The following RHBDD1 variants were observed in gnomAD, a reference collection of about 807,000 sequenced individuals.
RHBDD1 encodes the protein rhomboid-related protein 4.
A neutral mutation model predicts 36.3 loss-of-function variants in RHBDD1; 38 were observed. That is an observed-to-expected ratio of 1.05 (90% CI 0.81 to 1.37). The LOEUF is 1.37. Ranked by LOEUF, RHBDD1 falls within the 40% of genes most tolerant of loss-of-function variation. The pLI, the probability that RHBDD1 is intolerant of heterozygous loss-of-function variation, is 0.00. For missense variants in RHBDD1, 393 were observed against 377.6 expected, an observed-to-expected ratio of 1.04 and a Z score of -0.34; for synonymous variants, 151 against 136.5, an observed-to-expected ratio of 1.11 and a Z score of -0.74.
At chr2:226,893,408 G>A (rs1039133073) in intron 5 of RHBDD1, among the ~76,000 whole-genome samples, 4 of 152,084 alleles carry the variant, frequency 2.6e-5, no homozygotes, top group Admixed American at 6.5e-5. Flanking sequence ...GTGCCAAGTC[G>A]CATTTATTCT....
At chr2:226,880,143 G>A (rs1047940327) in intron 5 of RHBDD1, among the ~76,000 whole-genome samples, 3 of 152,112 alleles carry the variant, frequency 2.0e-5, no homozygotes, top group Non-Finnish European at 2.9e-5. Flanking sequence ...TACTTGGACT[G>A]TTGCATTTTT....
intron 3 of RHBDD1, among the ~76,000 whole-genome samples, chr2:226,852,742 A>T (rs1220569953): frequency 6.6e-6 from 1 of 152,002 alleles, no homozygotes. Flanking sequence ...TGTCTCTTTT[A>T]GTAAGATCTT....
At chr2:226,988,670 C>T (rs1334161155) in intron 8 of RHBDD1, 6 of 984,030 alleles carry the variant, frequency 6.1e-6, no homozygotes, top group Non-Finnish European at 7.2e-6. Flanking sequence ...TTTAATATTC[C>T]GAAGGGTTTT....
upstream of RHBDD1, chr2:226,835,593 G>A (rs1331583844): frequency 2.0e-5 from 3 of 152,234 alleles, no homozygotes; most frequent in Middle Eastern, 3.2e-3. Flanking sequence ...CAGCTCCCCA[G>A]CCTCCGGCTG....
intron 6 of RHBDD1, chr2:226,908,496 CAG>C: frequency 3.6e-6 from 1 of 279,108 alleles, no homozygotes; most frequent in Non-Finnish European, 6.9e-6. Context: ...TCTGCTTGTA[CAG>C]AGACATCAAA....
chr2:226,961,890 G>C (rs1952230204), intron 8 of RHBDD1, among the ~76,000 whole-genome samples: 1 of 152,148 alleles, frequency 6.6e-6, no homozygotes, highest in South Asian at 2.1e-4. Flanking sequence ...TTTTAGGTGA[G>C]GAAATGAAGG....
Position 226,995,499 on chromosome 2 carries a change from C to A in RHBDD1, c.925C>A (p.Leu309Ile). 6.2e-7 allele frequency: 1 copy of A among 1,612,292 alleles called. No homozygotes were observed. The highest frequency in any genetic ancestry group is 8.5e-7 in the Non-Finnish European group (1 of 1,179,000). Residue 309 changes from leucine to isoleucine, a missense_variant, in exon 9 of 9, where the codon CTT (leucine) becomes ATT (isoleucine). Physicochemically the swap from Leu to Ile is conservative, Grantham distance 5. Coordinates refer to ENST00000392062, the MANE Select transcript of RHBDD1 (RefSeq NM_001167608.3). ...ACCAGAAGAAATGAGGAGACAGCGGCTTCACAGATTCGATAGCCAGTGAGG... is the reference window on the plus strand; with the variant it reads ...ACCAGAAGAAATGAGGAGACAGCGGATTCACAGATTCGATAGCCAGTGAGG... ...LSPEEMRRQR[L>I]HRFDSQ is the part of the protein sequence containing the mutation.
chr2:226,930,001 A>G (rs1425316481), intron 8 of RHBDD1, among the ~76,000 whole-genome samples: 2 of 152,074 alleles, frequency 1.3e-5, no homozygotes, highest in Non-Finnish European at 2.9e-5. Flanking sequence ...TACTCAAATA[A>G]ATCATAGATG....
At chr2:226,826,209 A>G in the RHBDD1 span, among the ~76,000 whole-genome samples, 3 of 152,222 alleles carry the variant, frequency 2.0e-5, no homozygotes, top group Admixed American at 6.5e-5. Flanking sequence ...AGAATGATCT[A>G]TTTATGTGAG....
rs575538601 is a variant in RHBDD1, at chr2:226,942,964, C to T, written c.856+28613C>T. 2.1e-4 allele frequency among the ~76,000 whole-genome samples: 32 copies of T among 152,262 alleles called. No individual in the cohort carries two copies. The East Asian group carries it at 4.8e-3, about 23-fold the overall frequency. ...TCACATGAGAATTTCCGCTGTTGTC[C>T]GCTCTGCCTCTCTTAAACAATCTTA... On this transcript the variant is annotated intron_variant, in intron 8 of 8. Coordinates refer to ENST00000392062, the MANE Select transcript of RHBDD1 (RefSeq NM_001167608.3).
intron 1 of RHBDD1, chr2:226,837,660 C>G (rs1941124909): frequency 6.6e-6 from 1 of 152,204 alleles, no homozygotes; most frequent in Non-Finnish European, 1.5e-5. Flanking sequence ...CCTCAGCTTC[C>G]CAGGTAGCTG....
At position 226,926,167 on chromosome 2, in the gene RHBDD1, C is replaced by T. The variant is rs1038274667; in HGVS notation, c.856+11816C>T. On this transcript the variant is annotated intron_variant, in intron 8 of 8. Transcript: ENST00000392062. ...GGCCGAGGCGGGTGGATCATGATGTCAGGAGATCGAGACCATCCTGGCTAA... is the reference window on the plus strand; with the variant it reads ...GGCCGAGGCGGGTGGATCATGATGTTAGGAGATCGAGACCATCCTGGCTAA... Among the ~76,000 whole-genome samples, 11 of 150,886 alleles carry T rather than the reference C, an allele frequency of 7.3e-5. No individual in the cohort carries two copies. In the East Asian group the frequency reaches 2.1e-3, roughly 29 times the overall value.
chr2:226,931,595 T>A (rs1351385668), intron 8 of RHBDD1, among the ~76,000 whole-genome samples: 1 of 152,068 alleles, frequency 6.6e-6, no homozygotes, highest in Non-Finnish European at 1.5e-5. Context: ...TTCACCACTA[T>A]ACAATTCATC....
intron 8 of RHBDD1, among the ~76,000 whole-genome samples, chr2:226,947,401 T>C (rs1432630114): frequency 1.3e-5 from 2 of 152,082 alleles, no homozygotes; most frequent in South Asian, 2.1e-4. Context: ...TTGTCAAAGA[T>C]CAGATAGTTG....
At chr2:226,956,572 G>A (rs780445236) in intron 8 of RHBDD1, among the ~76,000 whole-genome samples, 50 of 152,122 alleles carry the variant, frequency 3.3e-4, no homozygotes, top group Non-Finnish European at 5.3e-4. Flanking sequence ...CTATGTTTGG[G>A]CTACATCTTT....
intron 3 of RHBDD1, among the ~76,000 whole-genome samples, chr2:226,845,445 G>C (rs569110468): frequency 6.6e-6 from 1 of 152,172 alleles, no homozygotes. Context: ...CTGGTGTATC[G>C]TAGAGCCAAG....
At chr2:226,974,459 G>C (rs543978764) in intron 8 of RHBDD1, among the ~76,000 whole-genome samples, 2 of 152,154 alleles carry the variant, frequency 1.3e-5, no homozygotes, top group East Asian at 3.9e-4. Flanking sequence ...GGATGGTTTC[G>C]ATCTCCTGAC....
chr2:226,809,954 C>T, the RHBDD1 span, among the ~76,000 whole-genome samples: 1 of 152,034 alleles, frequency 6.6e-6, no homozygotes, highest in Non-Finnish European at 1.5e-5. Flanking sequence ...AATAATGTAA[C>T]ATAAAATTAC....
chr2:226,858,779 C>T (rs1480188300), intron 3 of RHBDD1, among the ~76,000 whole-genome samples: 2 of 152,064 alleles, frequency 1.3e-5, no homozygotes, highest in African/African-American at 2.4e-5. Flanking sequence ...TTTAATTTCT[C>T]ATTAAAAGTA....
Sources: gnomAD v4.1 joint callset for allele counts (sites outside exome capture counted in the v4.1 genomes callset) on GRCh38, gnomAD v4.1.1 for gene constraint, MANE v1.5 for transcripts, NCBI Gene and HGNC (gene_info 2026-07-23, HGNC 2026-07-21) for gene names.